PCDH9: variants seen among roughly 807,000 people sequenced by gnomAD.
PCDH9 encodes protocadherin 9, also known as protocadherin-9.
Under a neutral mutation model 70.6 loss-of-function variants are expected in PCDH9, and 24 were observed. The ratio of observed to expected loss-of-function variants is 0.34; its 90% CI spans 0.25 to 0.48. PCDH9 has a LOEUF of 0.48. Ranked by LOEUF, PCDH9 falls within the 20% of genes least tolerant of loss-of-function variation. The pLI, the probability that PCDH9 is intolerant of heterozygous loss-of-function variation, is 0.99. For synonymous variants in PCDH9, 562 were observed against 558.5 expected (o/e 1.01, Z -0.09); for missense variants, 1,281 against 1,503.6 (o/e 0.85, Z 2.45).
chr13:66,701,869 G>C (rs2078652175), intron 3 of PCDH9, among the ~76,000 whole-genome samples: 1 of 151,960 alleles, frequency 6.6e-6, no homozygotes, highest in South Asian at 2.1e-4. Context: ...ACTTAATCCT[G>C]GTAACATTTC....
intron 3 of PCDH9, among the ~76,000 whole-genome samples, chr13:66,848,882 C>G (rs1221961667): frequency 6.9e-6 from 1 of 144,740 alleles, no homozygotes; most frequent in Non-Finnish European, 1.5e-5. Context: ...GAGCCGAGAT[C>G]GCACCACCGC....
intron 2 of PCDH9, among the ~76,000 whole-genome samples, chr13:67,166,625 C>T (rs1274515957): frequency 6.6e-6 from 1 of 152,174 alleles, no homozygotes; most frequent in Non-Finnish European, 1.5e-5. Context: ...TATACTCATA[C>T]ATAAGGCTTG....
intron 3 of PCDH9, among the ~76,000 whole-genome samples, chr13:66,656,747 AG>A (rs2077936105): frequency 6.6e-6 from 1 of 152,194 alleles, no homozygotes; most frequent in Admixed American, 6.5e-5. Flanking sequence ...TATTCTGACA[AG>A]TAGGGGGATA....
chr13:66,536,985 G>A lies in PCDH9; in HGVS notation c.3340+94225C>T, dbSNP rs1960732842. On this transcript the variant is annotated intron_variant, in intron 4 of 4. Coordinates refer to ENST00000377865, the MANE Select transcript of PCDH9 (RefSeq NM_203487.3). ...AAAAATTCTTTGAAATCCCTTGGGG[G>A]TACAACATGGAATTATTAAAATTAT... 2.0e-5 allele frequency among the ~76,000 whole-genome samples: 3 copies of A among 152,098 alleles called. No individual in the cohort carries two copies. In the South Asian group the frequency reaches 6.2e-4, roughly 32 times the overall value.
intron 2 of PCDH9, among the ~76,000 whole-genome samples, chr13:67,086,695 T>C (rs1324874695): frequency 6.6e-6 from 1 of 152,114 alleles, no homozygotes; most frequent in Non-Finnish European, 1.5e-5. Flanking sequence ...AAGTCATCAA[T>C]ATAAAAGAGC....
At chr13:66,693,103 C>T (rs1219402177) in intron 3 of PCDH9, among the ~76,000 whole-genome samples, 2 of 152,014 alleles carry the variant, frequency 1.3e-5, no homozygotes, top group Non-Finnish European at 2.9e-5. Flanking sequence ...TAGCAAGAGG[C>T]AAATATTTTA....
intron 2 of PCDH9, among the ~76,000 whole-genome samples, chr13:67,139,655 G>T (rs1007539376): frequency 6.6e-6 from 1 of 152,036 alleles, no homozygotes; most frequent in Non-Finnish European, 1.5e-5. Flanking sequence ...CAGCAGTTTT[G>T]CTTTTCAAAG....
chr13:67,000,334 G>T (rs563289790), intron 2 of PCDH9, among the ~76,000 whole-genome samples: 7 of 140,976 alleles, frequency 5.0e-5, no homozygotes, highest in Non-Finnish European at 1.1e-4. Flanking sequence ...GACTGTTGTG[G>T]GGTGGGGGAG....
intron 2 of PCDH9, among the ~76,000 whole-genome samples, chr13:67,176,748 T>A (rs1045909315): frequency 6.6e-6 from 1 of 152,068 alleles, no homozygotes; most frequent in Non-Finnish European, 1.5e-5. Flanking sequence ...TCATGGGACA[T>A]TTTTTGTCAC....
chr13:66,450,274 C>T (rs542347152), intron 4 of PCDH9, among the ~76,000 whole-genome samples: 13 of 152,218 alleles, frequency 8.5e-5, no homozygotes, highest in African/African-American at 2.6e-4. Flanking sequence ...GCATATATTA[C>T]GCCTATGCTA....
At chr13:66,508,415 A>T (rs1399085228) in intron 4 of PCDH9, among the ~76,000 whole-genome samples, 2 of 152,174 alleles carry the variant, frequency 1.3e-5, no homozygotes, top group Admixed American at 6.5e-5. Context: ...TGTTATGTGG[A>T]TTTCACTTCA....
intron 4 of PCDH9, among the ~76,000 whole-genome samples, chr13:66,504,833 C>T (rs982323470): frequency 3.9e-5 from 6 of 152,152 alleles, no homozygotes; most frequent in Non-Finnish European, 7.4e-5. Flanking sequence ...GTGAAACATT[C>T]TTTGAGTGAA....
chr13:66,343,104 T>C lies in PCDH9; in HGVS notation c.3341-38076A>G, dbSNP rs541101753. ...TGTAATTGCTGTAGCTGGGGACATA[T>C]ATTTAATTCCATCAATAAAAATAAT... On this transcript the variant is annotated intron_variant, in intron 4 of 4. Transcript: ENST00000377865. Among the ~76,000 whole-genome samples the C allele has an allele frequency of 5.9e-5, 9 of 152,254 alleles. No individual in the cohort carries two copies. In the East Asian group the frequency reaches 1.7e-3, roughly 29 times the overall value.
chr13:66,332,722 A>G (rs1955965287), intron 4 of PCDH9, among the ~76,000 whole-genome samples: 1 of 152,010 alleles, frequency 6.6e-6, no homozygotes, highest in Non-Finnish European at 1.5e-5. Context: ...CAGGAAGGAC[A>G]TTCTGGGCAA....
chr13:66,442,448 T>C (rs1957991788), intron 4 of PCDH9, among the ~76,000 whole-genome samples: 1 of 152,106 alleles, frequency 6.6e-6, no homozygotes. Context: ...TGTGCAAAAA[T>C]GATTTGTTCC....
chr13:67,167,097 G>A (rs1178005819), intron 2 of PCDH9, among the ~76,000 whole-genome samples: 1 of 152,114 alleles, frequency 6.6e-6, no homozygotes, highest in Admixed American at 6.5e-5. Context: ...TTCAACTTAA[G>A]TATAAAATAT....
intron 4 of PCDH9, among the ~76,000 whole-genome samples, chr13:66,503,961 A>G (rs895281021): frequency 6.6e-6 from 1 of 152,248 alleles, no homozygotes; most frequent in African/African-American, 2.4e-5. Flanking sequence ...CACAAGACCC[A>G]GAAGTCAGGC....
chr13:66,512,108 A>T (rs2138586146), intron 4 of PCDH9, among the ~76,000 whole-genome samples: 1 of 152,210 alleles, frequency 6.6e-6, no homozygotes, highest in East Asian at 1.9e-4. Context: ...ATTAATATTT[A>T]CTTCCTTAAA....
chr13:66,782,863 TG>T (rs1413300925), intron 3 of PCDH9: 1 of 152,204 alleles, frequency 6.6e-6, no homozygotes, highest in African/African-American at 2.4e-5. Context: ...CAAATGGTAA[TG>T]GATATTATTA....
Sources: allele counts gnomAD v4.1 joint callset (sites outside exome capture counted in the v4.1 genomes callset), GRCh38; gene constraint gnomAD v4.1.1; transcripts MANE v1.5; gene names NCBI Gene and HGNC (gene_info 2026-07-23, HGNC 2026-07-21).